The following ACOXL variants were observed in gnomAD, a reference collection of about 807,000 sequenced individuals.
ACOXL encodes acyl-CoA oxidase like, also known as acyl-coenzyme A oxidase-like protein.
In ACOXL, 70 loss-of-function variants were observed where a neutral mutation model predicts 71.9. That is an observed-to-expected ratio of 0.97 (90% CI 0.80 to 1.19). The LOEUF is 1.19. Among genes scored for constraint, ACOXL ranks in the 50% most tolerant of loss-of-function variants. The pLI, the probability that ACOXL is intolerant of heterozygous loss-of-function variation, is 0.00. For missense variants in ACOXL, 703 were observed against 736.3 expected (o/e 0.95, Z 0.52); for synonymous variants, 253 against 281.6 (o/e 0.90, Z 1.02).
At chr2:110,865,863 A>G (rs945812906) in intron 10 of ACOXL, among the ~76,000 whole-genome samples, 2 of 151,066 alleles carry the variant, frequency 1.3e-5, no homozygotes, top group Admixed American at 1.3e-4. Flanking sequence ...AACTAAAAGG[A>G]TTTGCCTTAT....
At chr2:110,747,346 C>T (rs1458891923) in intron 1 of ACOXL, among the ~76,000 whole-genome samples, 3 of 152,148 alleles carry the variant, frequency 2.0e-5, no homozygotes, top group Non-Finnish European at 2.9e-5. Context: ...AAGGAGCCTG[C>T]AAGCCAGCAG....
chr2:110,886,646 T>C, intron 10 of ACOXL: 1 of 1,156,396 alleles, frequency 8.6e-7, no homozygotes, highest in South Asian at 1.5e-5. Context: ...CTCAAAATGC[T>C]GGGATTACAG....
chr2:111,087,914 T>C (rs1006726800), intron 16 of ACOXL, among the ~76,000 whole-genome samples: 6 of 152,196 alleles, frequency 3.9e-5, no homozygotes, highest in African/African-American at 1.4e-4. Context: ...AAAGGTCTAA[T>C]ATCCAGCATC....
intron 10 of ACOXL, among the ~76,000 whole-genome samples, chr2:110,866,257 A>C (rs1573903182): frequency 6.6e-6 from 1 of 152,316 alleles, no homozygotes; most frequent in South Asian, 2.1e-4. Context: ...AGCTGGAGGC[A>C]GGAGAGGAGG....
chr2:110,910,921 G>T (rs2059630516), intron 11 of ACOXL, among the ~76,000 whole-genome samples: 3 of 152,082 alleles, frequency 2.0e-5, no homozygotes, highest in East Asian at 1.9e-4. Flanking sequence ...TTATTTGGGG[G>T]AGCAGAAAAT....
chr2:111,025,468 C>T (rs191815013), intron 14 of ACOXL, among the ~76,000 whole-genome samples: 48 of 152,344 alleles, frequency 3.2e-4, no homozygotes, highest in African/African-American at 1.1e-3. Context: ...AGTTGCTCCA[C>T]ATCCTCACCA....
chr2:110,806,280 G>C (rs567172539), intron 9 of ACOXL, among the ~76,000 whole-genome samples: 31 of 152,348 alleles, frequency 2.0e-4, no homozygotes, highest in African/African-American at 7.0e-4. Flanking sequence ...ATCAACACGC[G>C]TACGCGGCCT....
chr2:110,882,981 G>A (rs553156558), intron 10 of ACOXL, among the ~76,000 whole-genome samples: 1 of 152,208 alleles, frequency 6.6e-6, no homozygotes, highest in Non-Finnish European at 1.5e-5. Context: ...GCTTTTTCTG[G>A]GTAGACCCCC....
At chr2:110,939,517 A>T (rs774734286) in intron 12 of ACOXL, among the ~76,000 whole-genome samples, 27 of 152,330 alleles carry the variant, frequency 1.8e-4, no homozygotes, top group African/African-American at 5.3e-4. Flanking sequence ...GGTACCATTT[A>T]TCTTGTAGGT....
At chr2:110,874,705 T>A (rs1022193769) in intron 10 of ACOXL, among the ~76,000 whole-genome samples, 7 of 152,134 alleles carry the variant, frequency 4.6e-5, no homozygotes, top group Admixed American at 1.3e-4. Context: ...TTTAACAAGT[T>A]AGAGCAGAGC....
intron 9 of ACOXL, among the ~76,000 whole-genome samples, chr2:110,831,963 A>G (rs1253204583): frequency 6.6e-6 from 1 of 152,204 alleles, no homozygotes; most frequent in Non-Finnish European, 1.5e-5. Flanking sequence ...ATTTAAAACC[A>G]TAAAACTTTT....
chr2:111,033,001 A>G (rs911264678), intron 15 of ACOXL, among the ~76,000 whole-genome samples: 2 of 152,190 alleles, frequency 1.3e-5, no homozygotes, highest in Non-Finnish European at 1.5e-5. Flanking sequence ...TGAGCCTCCT[A>G]ACACAGGGCT....
intron 15 of ACOXL, among the ~76,000 whole-genome samples, chr2:111,048,183 G>T (rs2066109082): frequency 6.6e-6 from 1 of 152,204 alleles, no homozygotes; most frequent in African/African-American, 2.4e-5. Context: ...TGCGGGAGTT[G>T]GGATGGGACC....
At chr2:111,106,475 A>G (rs935523433) in intron 17 of ACOXL, among the ~76,000 whole-genome samples, 1 of 152,046 alleles carries the variant, frequency 6.6e-6, no homozygotes, top group Non-Finnish European at 1.5e-5. Flanking sequence ...CAGTTTTATA[A>G]TGACTGCTTT....
intron 9 of ACOXL, among the ~76,000 whole-genome samples, chr2:110,821,271 T>C (rs972630163): frequency 6.6e-6 from 1 of 151,808 alleles, no homozygotes; most frequent in Non-Finnish European, 1.5e-5. Context: ...TCAAAATACT[T>C]TCTCTCTCTC....
intron 10 of ACOXL, among the ~76,000 whole-genome samples, chr2:110,862,622 G>A (rs1051413766): frequency 3.9e-5 from 6 of 152,218 alleles, no homozygotes; most frequent in African/African-American, 1.4e-4. Context: ...TGTGTTGGGC[G>A]GAAGCCCAGA....
intron 14 of ACOXL, among the ~76,000 whole-genome samples, chr2:110,998,376 G>A (rs2063485936): frequency 6.6e-6 from 1 of 152,218 alleles, no homozygotes; most frequent in Admixed American, 6.5e-5. Flanking sequence ...TCAGAAGTTT[G>A]TGTAATCAGA....
chr2:110,849,522 C>CT (rs1351280712), intron 10 of ACOXL, among the ~76,000 whole-genome samples: 1 of 152,212 alleles, frequency 6.6e-6, no homozygotes, highest in Non-Finnish European at 1.5e-5. Context: ...CTTTGGGAGG[C>CT]TGAGGCAGGT....
intron 11 of ACOXL, among the ~76,000 whole-genome samples, chr2:110,930,377 C>T (rs969259869): frequency 1.3e-5 from 2 of 152,240 alleles, no homozygotes; most frequent in African/African-American, 4.8e-5. Context: ...TACCCAATGC[C>T]TGTACCACCA....
Sources: allele counts gnomAD v4.1 joint callset (sites outside exome capture counted in the v4.1 genomes callset), GRCh38; gene constraint gnomAD v4.1.1; transcripts MANE v1.5; gene names NCBI Gene and HGNC (gene_info 2026-07-23, HGNC 2026-07-21).